Variants in HCFC1 observed in about 807,000 individuals in gnomAD.
The protein encoded by HCFC1 is host cell factor 1.
A neutral mutation model predicts 105.5 loss-of-function variants in HCFC1; 7 were observed. That is an observed-to-expected ratio of 0.07 (90% CI 0.04 to 0.12). The LOEUF is 0.12. Among genes scored for constraint, HCFC1 ranks in the 10% least tolerant of loss-of-function variants. HCFC1 has a pLI of 1.00. For synonymous variants in HCFC1, 918 were observed against 828.1 expected, an observed-to-expected ratio of 1.11 and a Z score of -1.86; for missense variants, 1,065 against 1,823.6, an observed-to-expected ratio of 0.58 and a Z score of 7.58.
At chrX:153,957,203 G>A (rs942558318) in intron 13 of HCFC1, 111 bp downstream of exon 13, 3 of 973,889 alleles carry the variant, frequency 3.1e-6, no homozygotes, top group Admixed American at 2.7e-5. Context: ...GCAGCAAGGA[G>A]AAGATAGAAA....
intron 9 of HCFC1, 89 bp from the exon 10 acceptor site, chrX:153,958,855 G>A: frequency 2.9e-6 from 2 of 701,108 alleles, no homozygotes; most frequent in South Asian, 6.4e-5. Context: ...CCCAGGGGCT[G>A]CCCTGCTCTT....
At chrX:153,956,049 G>A in intron 16 of HCFC1, 142 bp downstream of exon 16, 1 of 531,619 alleles carries the variant, frequency 1.9e-6, no homozygotes, top group Non-Finnish European at 3.1e-6. Context: ...AAATGCCCCA[G>A]GTGAGGAAAG....
chrX:153,959,561 C>A, intron 8 of HCFC1, 70 bp from the exon 9 acceptor site: 1 of 1,133,278 alleles, frequency 8.8e-7, no homozygotes, highest in Non-Finnish European at 1.2e-6. Flanking sequence ...TTGCAGGCAG[C>A]CCTGAGCCAC....
intron 1 of HCFC1, among the ~76,000 whole-genome samples, chrX:153,966,564 G>C (rs1190673142): frequency 2.7e-5 from 3 of 112,693 alleles, no homozygotes; most frequent in African/African-American, 9.7e-5. Context: ...GAGCCGTCCT[G>C]ACCAATCCCT....
At position 153,956,282 on chromosome X, in the gene HCFC1, T is replaced by G; in HGVS notation, c.2765A>C (p.Gln922Pro). The stretch of plus-strand genomic sequence containing the variant: ...AGTGATGGCAGTGGGGTTGATCACC[T>G]GGCTTGAGAGGGTGGCAATGGTGCC... ...TLGTIATLSS[Q>P]VINPTAITVS... is the part of the protein sequence containing the mutation. Residue 922 changes from glutamine to proline, a missense_variant, in exon 16 of 26, where the codon CAG becomes CCG. Physicochemically the swap from Gln to Pro is moderately conservative, Grantham distance 76 (BLOSUM62 -1). Coordinates refer to ENST00000310441, the MANE Select transcript of HCFC1 (RefSeq NM_005334.3). 1 of 1,212,419 alleles carries G rather than the reference T, an allele frequency of 8.2e-7. No individual in the cohort carries two copies. Among genetic ancestry groups the G allele is most frequent in the Non-Finnish European group, 1.1e-6 (1 of 895,599 alleles).
At chrX:153,963,479 A>G (rs1163361442) in intron 3 of HCFC1, 46 bp from the exon 4 acceptor site, 1 of 972,085 alleles carries the variant, frequency 1.0e-6, no homozygotes, top group Non-Finnish European at 1.5e-6. Context: ...TCCTCACGCC[A>G]GAGGCTTCGC....
At chrX:153,949,694 C>A in intron 24 of HCFC1, 78 bp from the exon 25 acceptor site, 1 of 929,765 alleles carries the variant, frequency 1.1e-6, no homozygotes, top group Non-Finnish European at 1.6e-6. Context: ...TGCCCGCCTG[C>A]AGAGTCTCTT....
Position 153,970,576 on chromosome X carries a change from G to C in HCFC1, c.193+72C>G, listed in dbSNP as rs1218807532. On this transcript the variant is annotated intron_variant, in intron 1 of 25. Coordinates refer to ENST00000310441, the MANE Select transcript of HCFC1 (RefSeq NM_005334.3). ...GAGGGAGGGAGCAGATGGAGGGAGG[G>C]AGGAAAGAGGAGGGAGAGGGAGGAG... 7 of 721,734 alleles carry C rather than the reference G, an allele frequency of 9.7e-6. No individual in the cohort carries two copies. The Admixed American group carries it at 1.9e-4, about 20-fold the overall frequency. 59.5% of individuals were successfully genotyped at this position (721,734 alleles called of 1,213,427 possible). A position where few individuals can be genotyped will look rare whatever the true frequency, so the allele number is the denominator to read the frequency against.
In HCFC1 at chrX:153,955,447, G is replaced by A; in HGVS notation, c.2952C>T (p.Ser984=). ...VHDLPVSILA[S]PTTEQPTATV... is the part of the protein sequence containing the mutation. The stretch of plus-strand genomic sequence containing the variant: ...TGGCGGTGGGCTGTTCTGTAGTCGG[G>A]GAGGCCAGAATGGACACAGGGAGGT... The change falls in exon 17 of 26, where the codon TCC becomes TCT. Residue 984 remains serine, a synonymous_variant. Coordinates refer to ENST00000310441, the MANE Select transcript of HCFC1 (RefSeq NM_005334.3). 3 of 1,208,744 alleles carry A rather than the reference G, an allele frequency of 2.5e-6. No individual in the cohort carries two copies. The highest frequency in any genetic ancestry group is 3.4e-6 in the Non-Finnish European group (3 of 893,725).
chrX:153,970,278 C>A (rs1488141728), intron 1 of HCFC1, among the ~76,000 whole-genome samples: 1 of 109,341 alleles, frequency 9.1e-6, no homozygotes, highest in Admixed American at 9.7e-5. Flanking sequence ...CTGGCGACAG[C>A]CCCTCTCCCT....
intron 4 of HCFC1, 100 bp downstream of exon 4, chrX:153,963,124 TA>T: frequency 1.6e-6 from 1 of 619,946 alleles, no homozygotes; most frequent in Non-Finnish European, 2.7e-6. Context: ...TCCAGCTCCC[TA>T]AGAGCCCCAC....
intron 23 of HCFC1, 92 bp downstream of exon 23, chrX:153,950,721 C>G: frequency 1.0e-6 from 1 of 982,797 alleles, no homozygotes; most frequent in Non-Finnish European, 1.4e-6. Context: ...GACTCAAAAC[C>G]TAGCTCTCCT....
chrX:153,963,648 C>A (rs2065449473), intron 3 of HCFC1, among the ~76,000 whole-genome samples: 1 of 112,102 alleles, frequency 8.9e-6, no homozygotes, highest in South Asian at 3.7e-4. Context: ...GGTGAGGCTG[C>A]ACAGCAGCCC....
Position 153,956,676 on chromosome X carries a change from C to T in HCFC1, c.2584G>A (p.Val862Ile), listed in dbSNP as rs1057524502. The T allele has an allele frequency of 1.7e-6, 2 of 1,210,089 alleles. No individual in the cohort carries two copies. The highest frequency in any genetic ancestry group is 1.1e-6 in the Non-Finnish European group (1 of 895,176). Reference sequence around the variant, plus strand: ...GTGACGGCTGGCTTGACGGCGGAGACGGTGACGGGTGTGACCAGGCGAACA... The same window carrying T: ...GTGACGGCTGGCTTGACGGCGGAGATGGTGACGGGTGTGACCAGGCGAACA... The part of the protein sequence containing the change: ...GGVRLVTPVT[V>I]SAVKPAVTTL... The change falls in exon 15 of 26, where the codon GTC becomes ATC. Residue 862 changes from valine (V) to isoleucine (I), a missense_variant. Physicochemically the swap from Val to Ile is conservative, Grantham distance 29. Transcript: ENST00000310441.
Position 153,971,104 on chromosome X carries a change from C to G in HCFC1, c.-264G>C, listed in dbSNP as rs949376142. 188 of 343,510 alleles carry G rather than the reference C, an allele frequency of 5.5e-4. No individual in the cohort carries two copies. The highest frequency in any genetic ancestry group is 6.3e-4 in the Non-Finnish European group (128 of 201,715). The allele number at this position is 343,510 out of a possible 1,213,427, so 28.3% of individuals were successfully genotyped here. A position where few individuals can be genotyped will look rare whatever the true frequency, so the allele number is the denominator to read the frequency against. Reference sequence around the variant, plus strand: ...CAAGAAGCTGGAGGCCGCTGAGTCCCGTCGCCCCGACTACTTGTCCGGGCG... The same window carrying G: ...CAAGAAGCTGGAGGCCGCTGAGTCCGGTCGCCCCGACTACTTGTCCGGGCG... On this transcript the variant is annotated 5_prime_UTR_variant, in exon 1 of 26. Transcript: ENST00000310441.
At chrX:153,968,157 C>T (rs1557118856) in intron 1 of HCFC1, among the ~76,000 whole-genome samples, 1 of 111,427 alleles carries the variant, frequency 9.0e-6, no homozygotes. Flanking sequence ...AGCTCTCGCT[C>T]CCCCACCCCC....
chrX:153,951,103 G>A (rs2065306246), intron 22 of HCFC1, 105 bp from the exon 23 acceptor site: 7 of 830,778 alleles, frequency 8.4e-6, no homozygotes, highest in Non-Finnish European at 1.2e-5. Context: ...GGGAAAAGAG[G>A]TCAGCGGTGG....
chrX:153,951,267 G>C, intron 22 of HCFC1, 83 bp downstream of exon 22: 1 of 1,077,819 alleles, frequency 9.3e-7, no homozygotes, highest in Non-Finnish European at 1.3e-6. Context: ...GCCCAAAGAT[G>C]GAGGAGTTTC....
intron 17 of HCFC1, 66 bp downstream of exon 17, chrX:153,954,000 T>C (rs1217938243): frequency 1.9e-5 from 21 of 1,112,362 alleles, no homozygotes; most frequent in South Asian, 6.1e-5. Context: ...CCCGCCATCG[T>C]TGTCTTGGCC....
Sources: allele counts gnomAD v4.1 joint callset (sites outside exome capture counted in the v4.1 genomes callset), GRCh38; gene constraint gnomAD v4.1.1; transcripts MANE v1.5; gene names NCBI Gene and HGNC (gene_info 2026-07-23, HGNC 2026-07-21).